Variants in SH2D3C observed in about 807,000 individuals in gnomAD.
SH2D3C encodes the protein SH2 domain containing 3C, also known as SH2 domain-containing protein 3C.
A neutral mutation model predicts 75.2 loss-of-function variants in SH2D3C; 25 were observed. The observed-to-expected ratio is 0.33, with a 90% CI of 0.24 to 0.46. The LOEUF (loss-of-function observed/expected upper bound fraction) is 0.46, where lower values mean the gene tolerates loss of function less well. SH2D3C is among the 20% of genes least tolerant of loss of function. SH2D3C has a pLI of 1.00. For synonymous variants in SH2D3C, 450 were observed against 473.7 expected (o/e 0.95, Z 0.65); for missense variants, 933 against 1,165.3 (o/e 0.80, Z 2.90).
At chr9:127,766,917 AC>A (rs1415629595) in intron 2 of SH2D3C, 1 of 1,531,924 alleles carries the variant, frequency 6.5e-7, no homozygotes, top group Non-Finnish European at 8.7e-7. Context: ...CAGAGAAGCA[AC>A]GGGCACCTGC....
chr9:127,744,834 C>A lies in SH2D3C; in HGVS notation c.1530G>T (p.Ala510=), dbSNP rs1423239994. The change falls in exon 7 of 12, where the codon GCG becomes GCT. Residue 510 remains alanine (A), a synonymous_variant. Coordinates refer to ENST00000314830, the MANE Select transcript of SH2D3C (RefSeq NM_170600.3). The stretch of plus-strand genomic sequence containing the variant: ...TGGCCTGCTGGCTGGAGGTCTCAGT[C>A]GCTGCCCACTCTCGGCTGCCACGCA... ...PPVRGSREWA[A]TETSSQQARS... The A allele has an allele frequency of 1.9e-6, 3 of 1,614,174 alleles. No homozygotes were observed. Among genetic ancestry groups the A allele is most frequent in the East Asian group, 2.2e-5 (1 of 44,888 alleles).
chr9:127,763,842 C>T (rs1845582430), intron 2 of SH2D3C, among the ~76,000 whole-genome samples: 1 of 152,190 alleles, frequency 6.6e-6, no homozygotes. Flanking sequence ...TTCTTCATCG[C>T]TAATCTTCTC....
chr9:127,755,415 T>G, intron 3 of SH2D3C: 10 of 260,634 alleles, frequency 3.8e-5, no homozygotes, highest in East Asian at 6.9e-5. Flanking sequence ...CGCCCTCCAG[T>G]TCCGCGCGCT....
chr9:127,757,416 G>A (rs1278901896), intron 3 of SH2D3C, among the ~76,000 whole-genome samples: 1 of 150,752 alleles, frequency 6.6e-6, no homozygotes. Context: ...GACTACAGGT[G>A]CACACCACCA....
chr9:127,777,740 G>A (rs1829050450), intron 1 of SH2D3C, among the ~76,000 whole-genome samples: 1 of 152,194 alleles, frequency 6.6e-6, no homozygotes, highest in South Asian at 2.1e-4. Context: ...ATAAAGAGAA[G>A]CACAGAGATG....
intron 2 of SH2D3C, among the ~76,000 whole-genome samples, chr9:127,763,144 G>A (rs939305492): frequency 6.6e-6 from 1 of 152,190 alleles, no homozygotes; most frequent in Non-Finnish European, 1.5e-5. Flanking sequence ...GCTTCATGAA[G>A]CTTGTCCCTC....
chr9:127,759,764 A>G (rs1434252721), intron 3 of SH2D3C, among the ~76,000 whole-genome samples: 2 of 151,968 alleles, frequency 1.3e-5, no homozygotes, highest in Admixed American at 6.6e-5. Flanking sequence ...CAGGCGGATC[A>G]CGAAGTCAGG....
At chr9:127,773,866 C>T (rs755229736) in intron 2 of SH2D3C, 124 bp downstream of exon 2, 42 of 624,412 alleles carry the variant, frequency 6.7e-5, no homozygotes, top group Middle Eastern at 4.4e-4. Flanking sequence ...TGCAGTGAAC[C>T]GGGATCACAC....
intron 2 of SH2D3C, among the ~76,000 whole-genome samples, chr9:127,764,790 C>T (rs1279051269): frequency 1.3e-5 from 2 of 152,172 alleles, no homozygotes; most frequent in Non-Finnish European, 2.9e-5. Context: ...TGACTGCAAC[C>T]TCCGCCTCCC....
chr9:127,744,794 T>C lies in SH2D3C; in HGVS notation c.1570A>G (p.Arg524Gly), dbSNP rs138224789. 787 of 1,614,176 alleles carry C rather than the reference T, an allele frequency of 4.9e-4. 2 individuals are homozygous for C. The highest frequency in any genetic ancestry group is 6.2e-4 in the Non-Finnish European group (732 of 1,180,038). ...SSQQARSYGE[R>G]LKELSENGAP... ...CCATTTTCTGACAGTTCCTTTAGCC[T>C]CTCCCCATAGCTCCTGGCCTGCTGG... is the stretch of plus-strand genomic sequence containing the variant. The change falls in exon 7 of 12, where the codon AGG (arginine) becomes GGG (glycine). Residue 524 changes from arginine to glycine, a missense_variant. By Grantham distance (125) the Arg-to-Gly change is moderately radical. Coordinates refer to ENST00000314830, the MANE Select transcript of SH2D3C (RefSeq NM_170600.3).
chr9:127,759,722 G>A (rs944446058), intron 3 of SH2D3C, among the ~76,000 whole-genome samples: 4 of 151,844 alleles, frequency 2.6e-5, no homozygotes, highest in South Asian at 2.1e-4. Context: ...GGTGGCTCAC[G>A]CCTGTAATCC....
At chr9:127,777,652 C>T (rs929879932) in intron 1 of SH2D3C, among the ~76,000 whole-genome samples, 3 of 152,140 alleles carry the variant, frequency 2.0e-5, no homozygotes, top group African/African-American at 4.8e-5. Context: ...CTCCCCTGCC[C>T]GGCCGCAAGG....
intron 2 of SH2D3C, among the ~76,000 whole-genome samples, chr9:127,764,811 G>A (rs916883165): frequency 3.9e-5 from 6 of 152,264 alleles, no homozygotes; most frequent in Admixed American, 1.3e-4. Flanking sequence ...GTGTCCAAGC[G>A]ATTCTCCTGC....
At chr9:127,763,591 C>T (rs889898241) in intron 2 of SH2D3C, among the ~76,000 whole-genome samples, 2 of 152,172 alleles carry the variant, frequency 1.3e-5, no homozygotes, top group African/African-American at 2.4e-5. Flanking sequence ...TGATCGCTGT[C>T]ATCATTAATT....
At chr9:127,740,123 G>T in intron 10 of SH2D3C, 135 bp downstream of exon 10, 1 of 808,308 alleles carries the variant, frequency 1.2e-6, no homozygotes, top group Non-Finnish European at 2.0e-6. Context: ...TGACACAGCT[G>T]CCAGCAGGAA....
Position 127,739,721 on chromosome 9 carries a change from C to T in SH2D3C, c.2368G>A (p.Gly790Arg), listed in dbSNP as rs995010680. The change falls in exon 11 of 12, where the codon GGA becomes AGA. Residue 790 changes from glycine to arginine, a missense_variant. Gly to Arg is a moderately radical substitution (Grantham distance 125). Transcript: ENST00000314830. The surrounding 1 kb of genome is among the most constrained non-coding windows in gnomAD (Gnocchi z 4.3). Reference sequence around the variant, plus strand: ...TCAGCATTGGTGTGGTACAGGCCTCCGTGGTGTGCCACTGTGCGGGCGGCC... The same window carrying T: ...TCAGCATTGGTGTGGTACAGGCCTCTGTGGTGTGCCACTGTGCGGGCGGCC... ...LEAARTVAHH[G>R]GLYHTNAEVK... The T allele has an allele frequency of 6.2e-7, 1 of 1,610,836 alleles. No individual in the cohort carries two copies. Among genetic ancestry groups the T allele is most frequent in the South Asian group, 1.1e-5 (1 of 90,886 alleles).
At chr9:127,775,165 A>G (rs1396165270) in intron 1 of SH2D3C, among the ~76,000 whole-genome samples, 2 of 152,168 alleles carry the variant, frequency 1.3e-5, no homozygotes, top group East Asian at 1.9e-4. Flanking sequence ...AATAGCCTCA[A>G]TCAGAATTAG....
chr9:127,754,863 G>A lies in SH2D3C; in HGVS notation c.556-3563C>T, dbSNP rs1006399712. ...GCATCTACCGCAGCCCAGAGTCCCA[G>A]GAGTGGCCGCCGAACCCTCACCCCG... On this transcript the variant is annotated intron_variant, in intron 3 of 11. Transcript: ENST00000314830. The surrounding 1 kb of genome is among the most constrained non-coding windows in gnomAD (Gnocchi z 4.4). 6.0e-6 allele frequency: 3 copies of A among 501,158 alleles called. No homozygotes were observed. The highest frequency in any genetic ancestry group is 1.2e-5 in the Non-Finnish European group (3 of 247,346). The allele number at this position is 501,158 out of a possible 1,614,324, so 31.0% of individuals were successfully genotyped here.
intron 5 of SH2D3C, among the ~76,000 whole-genome samples, chr9:127,748,877 C>T (rs145510099): frequency 3.1e-4 from 47 of 152,284 alleles, no homozygotes; most frequent in Middle Eastern, 6.8e-3. Context: ...GGCCCCTCTC[C>T]GGTTCAGGAC....
Sources: allele counts gnomAD v4.1 joint callset (sites outside exome capture counted in the v4.1 genomes callset), GRCh38; gene constraint gnomAD v4.1.1; non-coding constraint Gnocchi (gnomAD v3.1); transcripts MANE v1.5; gene names NCBI Gene and HGNC (gene_info 2026-07-23, HGNC 2026-07-21).